Variants in KCNH7 observed in about 807,000 individuals in gnomAD.
KCNH7 encodes the protein voltage-gated inwardly rectifying potassium channel KCNH7.
KCNH7 carries 49 observed loss-of-function variants against 120.8 expected under a neutral mutation model. The observed-to-expected ratio is 0.41, with a 90% confidence interval of 0.32 to 0.51. The LOEUF (loss-of-function observed/expected upper bound fraction) is 0.51, where lower values mean the gene tolerates loss of function less well. Ranked by LOEUF, KCNH7 falls within the 20% of genes least tolerant of loss-of-function variation. The probability of loss-of-function intolerance (pLI) is 0.38; values close to 1 mark genes in which losing one functional copy is unlikely to be tolerated. For missense variants in KCNH7, 1,097 were observed against 1,446.6 expected, an observed-to-expected ratio of 0.76 and a Z score of 3.92; for synonymous variants, 547 against 516.1, an observed-to-expected ratio of 1.06 and a Z score of -0.81.
chr2:162,599,278 C>T (rs1694475390), intron 2 of KCNH7, among the ~76,000 whole-genome samples: 1 of 151,710 alleles, frequency 6.6e-6, no homozygotes, highest in Non-Finnish European at 1.5e-5. Flanking sequence ...AAACAATTCT[C>T]AGAAATTAGC....
intron 2 of KCNH7, among the ~76,000 whole-genome samples, chr2:162,626,463 A>G (rs11689703): frequency 0.64 from 96,564 of 151,474 alleles, 32,304 homozygotes; most frequent in African/African-American, 0.84. Flanking sequence ...GAATTCTGAA[A>G]GTCATGAAGT....
Position 162,424,824 on chromosome 2 carries a change from C to A in KCNH7, c.1955-1289G>T, listed in dbSNP as rs115657635. Among the ~76,000 whole-genome samples the A allele has an allele frequency of 3.7e-3, 566 of 152,154 alleles. 5 individuals carry two copies. Among genetic ancestry groups the A allele is most frequent in the African/African-American group, 0.013 (546 of 41,526 alleles). ...AGAAAGTCCCAGGGAAAGCAGTGAC[C>A]CCTTGTTTTTATCTATTTAAGGGGA... On this transcript the variant is annotated intron_variant, in intron 8 of 15. Transcript: ENST00000332142.
intron 2 of KCNH7, among the ~76,000 whole-genome samples, chr2:162,829,916 AACAGTGCAC>A (rs1456548489): frequency 6.6e-6 from 1 of 150,452 alleles, no homozygotes; most frequent in Non-Finnish European, 1.5e-5. Context: ...AGTAAATACT[AACAGTGCAC>A]TCACTTCGTA....
chr2:162,575,089 C>T (rs563457041), intron 2 of KCNH7, among the ~76,000 whole-genome samples: 2 of 152,150 alleles, frequency 1.3e-5, no homozygotes, highest in East Asian at 3.9e-4. Flanking sequence ...CTCTGCACAG[C>T]CCCAACCCCC....
intron 2 of KCNH7, chr2:162,796,159 G>A (rs113970550): frequency 6.6e-6 from 1 of 152,164 alleles, no homozygotes; most frequent in African/African-American, 2.4e-5. Context: ...TCAGAGGCCT[G>A]TGTCTGAATT....
At chr2:162,452,398 G>A (rs1486433240) in intron 6 of KCNH7, among the ~76,000 whole-genome samples, 1 of 152,086 alleles carries the variant, frequency 6.6e-6, no homozygotes, top group Non-Finnish European at 1.5e-5. Context: ...TAAGAATTGA[G>A]TTGGTTTCTT....
At chr2:162,784,073 G>A (rs557941030) in intron 2 of KCNH7, among the ~76,000 whole-genome samples, 1 of 151,982 alleles carries the variant, frequency 6.6e-6, no homozygotes, top group Non-Finnish European at 1.5e-5. Context: ...CTCCCATTTA[G>A]TCTGAATTTA....
intron 9 of KCNH7, among the ~76,000 whole-genome samples, chr2:162,420,688 G>A (rs1687675038): frequency 6.6e-6 from 1 of 152,148 alleles, no homozygotes. Flanking sequence ...AATTAATACA[G>A]TGTGATTGAA....
At chr2:162,470,905 A>C (rs13384112) in intron 6 of KCNH7, among the ~76,000 whole-genome samples, 11,341 of 152,262 alleles carry the variant, frequency 0.074, 1,353 homozygotes, top group African/African-American at 0.25. Flanking sequence ...GTACTAAGAA[A>C]AATTCTTCTG....
chr2:162,621,252 CTTTTTTTTT>C (rs35494887), intron 2 of KCNH7, among the ~76,000 whole-genome samples: 1 of 52,114 alleles, frequency 1.9e-5, no homozygotes, highest in African/African-American at 8.1e-5. Context: ...GTATCATCAT[CTTTTTTTTT>C]TTTTTTTTTT....
intron 2 of KCNH7, among the ~76,000 whole-genome samples, chr2:162,661,107 T>G (rs2105277969): frequency 6.6e-6 from 1 of 152,350 alleles, no homozygotes; most frequent in South Asian, 2.1e-4. Flanking sequence ...TACATTCCAA[T>G]GCAAGATTCA....
At chr2:162,828,263 T>C (rs1235699894) in intron 2 of KCNH7, among the ~76,000 whole-genome samples, 2 of 152,148 alleles carry the variant, frequency 1.3e-5, no homozygotes, top group African/African-American at 4.8e-5. Context: ...CAACATGTGA[T>C]CTTTTTTAGC....
intron 2 of KCNH7, among the ~76,000 whole-genome samples, chr2:162,574,719 A>G (rs1236928008): frequency 6.6e-6 from 1 of 152,078 alleles, no homozygotes; most frequent in East Asian, 1.9e-4. Context: ...CTGTGAGCTC[A>G]TCGTGCCAGA....
At chr2:162,517,462 T>G (rs1340058784) in intron 4 of KCNH7, among the ~76,000 whole-genome samples, 1 of 151,796 alleles carries the variant, frequency 6.6e-6, no homozygotes, top group Non-Finnish European at 1.5e-5. Context: ...AAGCATTAAT[T>G]AATTAACACT....
chr2:162,533,778 G>C (rs1205483832), intron 3 of KCNH7, among the ~76,000 whole-genome samples: 1 of 151,486 alleles, frequency 6.6e-6, no homozygotes, highest in East Asian at 1.9e-4. Flanking sequence ...TGGAGGACAG[G>C]AAATAAGTAA....
chr2:162,677,915 T>C lies in KCNH7; in HGVS notation c.308-140835A>G, dbSNP rs146936345. Reference sequence around the variant, plus strand: ...TAAGTATCTATTCATTTATTGTCCATTTGAATAGTCTCTTTTTAAAGTGCC... The same window carrying C: ...TAAGTATCTATTCATTTATTGTCCACTTGAATAGTCTCTTTTTAAAGTGCC... On this transcript the variant is annotated intron_variant, in intron 2 of 15. Transcript: ENST00000332142. Among the ~76,000 whole-genome samples, 107 of 151,616 alleles carry C rather than the reference T, an allele frequency of 7.1e-4. 2 individuals carry two copies. The East Asian group carries it at 0.011, about 16-fold the overall frequency.
chr2:162,822,368 C>G (rs113748238), intron 2 of KCNH7, among the ~76,000 whole-genome samples: 3,931 of 152,120 alleles, frequency 0.026, 165 homozygotes, highest in African/African-American at 0.089. Context: ...AATGTAAACA[C>G]GGTCCTCACA....
rs1311678965 is a variant in KCNH7, at chr2:162,371,546, T to A, written c.*283A>T. ...AATAGGAGTCTCCATGCAAGAGAAA[T>A]TGGAGTTTCCTAACATGCATGTGAT... On this transcript the variant is annotated 3_prime_UTR_variant, in exon 16 of 16. Transcript: ENST00000332142. The A allele has an allele frequency of 1.0e-6, 1 of 978,890 alleles. No homozygotes were observed. The highest frequency in any genetic ancestry group is 1.3e-6 in the Non-Finnish European group (1 of 747,782). 60.6% of individuals were successfully genotyped at this position (978,890 alleles called of 1,614,324 possible).
chr2:162,441,053 ATCTC>A lies in KCNH7; in HGVS notation c.1554+4961_1554+4964del, dbSNP rs1364605385. ...AAGCAAAATAATTTTTCCACTGGGG[ATCTC>A]ATATCTCTTAAAAGTCATGCCATAC... On this transcript the variant is annotated intron_variant, in intron 7 of 15. Transcript: ENST00000332142. Among the ~76,000 whole-genome samples, 386 of 152,224 alleles carry A rather than the reference ATCTC, an allele frequency of 2.5e-3. 1 individual carries two copies. Among genetic ancestry groups the A allele is most frequent in the African/African-American group, 8.6e-3 (359 of 41,560 alleles).
Sources: gnomAD v4.1 joint callset for allele counts (sites outside exome capture counted in the v4.1 genomes callset) on GRCh38, gnomAD v4.1.1 for gene constraint, MANE v1.5 for transcripts, NCBI Gene and HGNC (gene_info 2026-07-23, HGNC 2026-07-21) for gene names.